The following LIN52 variants were observed in gnomAD, a reference collection of about 807,000 sequenced individuals.
The protein encoded by LIN52 is protein lin-52 homolog.
Under a neutral mutation model 18.5 loss-of-function variants are expected in LIN52, and 4 were observed. The ratio of observed to expected loss-of-function variants is 0.22; its 90% CI spans 0.11 to 0.49. The LOEUF is 0.49. Among genes scored for constraint, LIN52 ranks in the 20% least tolerant of loss-of-function variants. The pLI is 0.97. For synonymous variants in LIN52, 34 were observed against 45.5 expected, an observed-to-expected ratio of 0.75 and a Z score of 1.02; for missense variants, 102 against 139.5, an observed-to-expected ratio of 0.73 and a Z score of 1.35.
chr14:74,114,853 A>G lies in LIN52; in HGVS notation c.283+13615A>G, dbSNP rs369355414. On this transcript the variant is annotated intron_variant, in intron 5 of 5. Coordinates refer to ENST00000555028, the MANE Select transcript of LIN52 (RefSeq NM_001024674.3). ...TCAGAAGTTGACTTGTGAAGTCCCT[A>G]TTTTCTTTGGCTGGTCATTAGGCTG... Among the ~76,000 whole-genome samples, 7 of 152,190 alleles carry G rather than the reference A, an allele frequency of 4.6e-5. No homozygotes were observed. In the East Asian group the frequency reaches 9.7e-4, roughly 21 times the overall value.
At chr14:74,108,493 C>T (rs1427322097) in intron 5 of LIN52, among the ~76,000 whole-genome samples, 1 of 152,182 alleles carries the variant, frequency 6.6e-6, no homozygotes, top group Non-Finnish European at 1.5e-5. Flanking sequence ...TTTGCATTCC[C>T]ACAAGCAGTG....
Position 74,184,988 on chromosome 14 carries a change from A to G in LIN52, c.284-13934A>G, listed in dbSNP as rs2139589359. ...TATTTTTTGTTAGACTGAAACATGG[A>G]AGACCCTAGTAACCTTGATAACCTT... On this transcript the variant is annotated intron_variant, in intron 5 of 5. Transcript: ENST00000555028. Among the ~76,000 whole-genome samples the G allele has an allele frequency of 2.0e-5, 3 of 151,770 alleles. No individual in the cohort carries two copies. The South Asian group carries it at 6.2e-4, about 32-fold the overall frequency.
At chr14:74,168,930 C>G (rs1203592664) in intron 5 of LIN52, among the ~76,000 whole-genome samples, 1 of 151,008 alleles carries the variant, frequency 6.6e-6, no homozygotes, top group African/African-American at 2.4e-5. Context: ...GGCATGGTGG[C>G]GCGTGCCCAG....
At chr14:74,116,795 T>G (rs992261422) in intron 5 of LIN52, among the ~76,000 whole-genome samples, 1 of 149,430 alleles carries the variant, frequency 6.7e-6, no homozygotes, top group Non-Finnish European at 1.5e-5. Flanking sequence ...TAATAGCAAG[T>G]GACAAAATGC....
Position 74,097,782 on chromosome 14 carries a change from AT to A in LIN52, c.133-6del. ...TTTTATGTGTCTGAATGGATATATT[AT>A]TTTTTGACAGCCTATTACTAGTTCT... is the stretch of plus-strand genomic sequence containing the variant. On this transcript the variant is annotated splice_polypyrimidine_tract_variant and intron_variant, in intron 3 of 5. Transcript: ENST00000555028. 4 of 1,586,726 alleles carry A rather than the reference AT, an allele frequency of 2.5e-6. No homozygotes were observed. The highest frequency in any genetic ancestry group is 3.5e-6 in the Non-Finnish European group (4 of 1,155,512).
At chr14:74,110,760 C>G (rs1404824415) in intron 5 of LIN52, among the ~76,000 whole-genome samples, 2 of 151,750 alleles carry the variant, frequency 1.3e-5, no homozygotes, top group African/African-American at 4.8e-5. Flanking sequence ...GTCAGGAGAT[C>G]GAGACCATCC....
intron 5 of LIN52, among the ~76,000 whole-genome samples, chr14:74,195,768 G>T (rs756462064): frequency 2.2e-4 from 34 of 152,182 alleles, no homozygotes; most frequent in South Asian, 8.3e-4. Flanking sequence ...ACTAGGTTTG[G>T]GGGGGTTCGG....
At chr14:74,092,687 C>T (rs993329168) in intron 2 of LIN52, among the ~76,000 whole-genome samples, 2 of 150,434 alleles carry the variant, frequency 1.3e-5, no homozygotes, top group Admixed American at 6.6e-5. Flanking sequence ...GAGGCCAATG[C>T]GGGTGGATCA....
Position 74,110,041 on chromosome 14 carries a change from A to G in LIN52, c.283+8803A>G, listed in dbSNP as rs79510728. Among the ~76,000 whole-genome samples the G allele has an allele frequency of 2.6e-3, 392 of 152,304 alleles. 3 individuals carry two copies. Among genetic ancestry groups the G allele is most frequent in the African/African-American group, 9.0e-3 (375 of 41,568 alleles). ...TTGACTTTTCCTGATCTTTGGGAGA[A>G]ACCCACAGTGTTAGCTGTGGGCTTT... On this transcript the variant is annotated intron_variant, in intron 5 of 5. Transcript: ENST00000555028.
chr14:74,090,011 G>A (rs1012716823), intron 1 of LIN52, among the ~76,000 whole-genome samples: 12 of 146,862 alleles, frequency 8.2e-5, no homozygotes, highest in South Asian at 2.2e-4. Flanking sequence ...ATGTATAACA[G>A]TGCACTCTTT....
At chr14:74,167,326 C>G (rs1164679911) in intron 5 of LIN52, among the ~76,000 whole-genome samples, 1 of 152,038 alleles carries the variant, frequency 6.6e-6, no homozygotes, top group African/African-American at 2.4e-5. Flanking sequence ...TGAAGAAATA[C>G]TGAATAGAAT....
chr14:74,103,562 A>G (rs1262032449), intron 5 of LIN52, among the ~76,000 whole-genome samples: 2 of 149,652 alleles, frequency 1.3e-5, no homozygotes, highest in African/African-American at 2.5e-5. Context: ...CCTCCTGAGT[A>G]GCTGGGATTA....
intron 5 of LIN52, among the ~76,000 whole-genome samples, chr14:74,182,538 C>T (rs1481308546): frequency 8.0e-6 from 1 of 125,096 alleles, no homozygotes; most frequent in Non-Finnish European, 1.9e-5. Flanking sequence ...AAATCAGCAT[C>T]TGTGAAGTAA....
At chr14:74,130,733 G>T (rs909460695) in intron 5 of LIN52, among the ~76,000 whole-genome samples, 2 of 151,300 alleles carry the variant, frequency 1.3e-5, no homozygotes, top group Admixed American at 1.3e-4. Flanking sequence ...GGGATTACAG[G>T]CATGTGCCAC....
At chr14:74,113,462 A>G (rs576476672) in intron 5 of LIN52, among the ~76,000 whole-genome samples, 26 of 152,128 alleles carry the variant, frequency 1.7e-4, no homozygotes, top group Non-Finnish European at 3.4e-4. Flanking sequence ...GAAAGGGAGC[A>G]TATTCTAGGT....
intron 5 of LIN52, among the ~76,000 whole-genome samples, chr14:74,114,985 T>C (rs1162969731): frequency 6.6e-6 from 1 of 152,228 alleles, no homozygotes; most frequent in Non-Finnish European, 1.5e-5. Flanking sequence ...GTTTAAAAAG[T>C]TGTTATGGCC....
chr14:74,146,782 A>G (rs1303761118), intron 5 of LIN52, among the ~76,000 whole-genome samples: 1 of 152,196 alleles, frequency 6.6e-6, no homozygotes, highest in Non-Finnish European at 1.5e-5. Flanking sequence ...AAAACCTACT[A>G]CAAAATTACA....
intron 5 of LIN52, among the ~76,000 whole-genome samples, chr14:74,114,892 C>A (rs1315720276): frequency 1.3e-5 from 2 of 152,214 alleles, no homozygotes; most frequent in Non-Finnish European, 2.9e-5. Flanking sequence ...AGTAGAATGA[C>A]TGACTTTTGT....
At chr14:74,105,127 A>G (rs923111507) in intron 5 of LIN52, among the ~76,000 whole-genome samples, 1 of 152,222 alleles carries the variant, frequency 6.6e-6, no homozygotes. Flanking sequence ...AAGCATCAGT[A>G]AAGTTTATTT....
Sources: allele counts gnomAD v4.1 joint callset (sites outside exome capture counted in the v4.1 genomes callset), GRCh38; gene constraint gnomAD v4.1.1; transcripts MANE v1.5; gene names NCBI Gene and HGNC (gene_info 2026-07-23, HGNC 2026-07-21).